CD8B: variants seen among roughly 807,000 people sequenced by gnomAD.
CD8B encodes T-cell surface glycoprotein CD8 beta chain.
CD8B carries 6 observed loss-of-function variants against 24.2 expected under a neutral mutation model. The ratio of observed to expected loss-of-function variants is 0.25; its 90% confidence interval spans 0.14 to 0.49. The LOEUF (loss-of-function observed/expected upper bound fraction) is 0.49, where lower values mean the gene tolerates loss of function less well. Ranked by LOEUF, CD8B falls within the 20% of genes least tolerant of loss-of-function variation. The pLI, the probability that CD8B is intolerant of heterozygous loss-of-function variation, is 0.98. For synonymous variants in CD8B, 84 were observed against 108.3 expected (o/e 0.78, Z 1.39); for missense variants, 196 against 271.3 (o/e 0.72, Z 1.95).
downstream of CD8B, chr2:86,815,505 G>A: frequency 1.3e-6 from 1 of 766,264 alleles, no homozygotes. Flanking sequence ...GGTTGATGGT[G>A]GCAGAGAAGT....
chr2:86,852,073 A>T (rs1390283252), intron 3 of CD8B, among the ~76,000 whole-genome samples: 1 of 152,118 alleles, frequency 6.6e-6, no homozygotes, highest in Non-Finnish European at 1.5e-5. Context: ...GGCTCAAGGC[A>T]TCCACCTCAG....
chr2:86,820,291 C>A (rs1171607682), intron 5 of CD8B, among the ~76,000 whole-genome samples: 1 of 152,222 alleles, frequency 6.6e-6, no homozygotes, highest in African/African-American at 2.4e-5. Context: ...TATCAAACAG[C>A]ATCGCATGCT....
chr2:86,839,155 G>C lies in CD8B; in HGVS notation c.*3152C>G, dbSNP rs1319323726. ...CATATTGTGCCATATATTGTATTAA[G>C]AATAATCTATACAGATGTTTTAAAA... On this transcript the variant is annotated 3_prime_UTR_variant, in exon 6 of 6. Coordinates refer to ENST00000390655, the MANE Select transcript of CD8B (RefSeq NM_004931.5). Among the ~76,000 whole-genome samples, 2 of 152,162 alleles carry C rather than the reference G, an allele frequency of 1.3e-5. No individual in the cohort carries two copies. Among genetic ancestry groups the C allele is most frequent in the Non-Finnish European group, 2.9e-5 (2 of 68,032 alleles).
At chr2:86,845,760 CGA>C (rs1420536073) in intron 4 of CD8B, among the ~76,000 whole-genome samples, 1 of 152,138 alleles carries the variant, frequency 6.6e-6, no homozygotes, top group Non-Finnish European at 1.5e-5. Context: ...CTTCCTTGAT[CGA>C]GAGAGTTTGC....
chr2:86,849,635 A>C (rs1675873756), intron 3 of CD8B, among the ~76,000 whole-genome samples: 1 of 152,120 alleles, frequency 6.6e-6, no homozygotes, highest in Non-Finnish European at 1.5e-5. Context: ...AATTTACCCA[A>C]AATCATTGAA....
chr2:86,822,184 C>A, intron 5 of CD8B: 1 of 564,024 alleles, frequency 1.8e-6, no homozygotes, highest in Non-Finnish European at 3.2e-6. Flanking sequence ...AATCTTCTAA[C>A]ACAAAATTAT....
intron 5 of CD8B, chr2:86,821,883 CTTCT>C (rs113044077): frequency 8.5e-5 from 22 of 259,582 alleles, no homozygotes; most frequent in South Asian, 3.1e-4. Context: ...CTCGTTCTGC[CTTCT>C]TTCTTTCTTT....
chr2:86,817,173 G>T (rs1674284698), intron 5 of CD8B, among the ~76,000 whole-genome samples: 1 of 152,146 alleles, frequency 6.6e-6, no homozygotes, highest in Non-Finnish European at 1.5e-5. Flanking sequence ...GGGAGGATAT[G>T]ACCAAATAAC....
chr2:86,826,011 C>T (rs769883271), intron 5 of CD8B, among the ~76,000 whole-genome samples: 27 of 152,162 alleles, frequency 1.8e-4, no homozygotes, highest in Non-Finnish European at 3.5e-4. Context: ...ATGACAGCCT[C>T]CCTGAGCCTT....
At chr2:86,819,909 T>G (rs1358160722) in intron 5 of CD8B, among the ~76,000 whole-genome samples, 1 of 152,082 alleles carries the variant, frequency 6.6e-6, no homozygotes, top group Admixed American at 6.6e-5. Context: ...AATACCAACA[T>G]TAGGAGGAGT....
chr2:86,821,323 A>C (rs563925837), intron 5 of CD8B, among the ~76,000 whole-genome samples: 1 of 152,088 alleles, frequency 6.6e-6, no homozygotes, highest in Non-Finnish European at 1.5e-5. Flanking sequence ...GTGATTTCTA[A>C]GACGCCATTG....
At chr2:86,845,056 C>T in intron 4 of CD8B, 98 bp from the exon 5 acceptor site, 1 of 1,504,660 alleles carries the variant, frequency 6.6e-7, no homozygotes, top group South Asian at 1.3e-5. Flanking sequence ...CAGCTGACAC[C>T]TCAGCCCACC....
chr2:86,847,630 A>G (rs1221972358), intron 3 of CD8B, among the ~76,000 whole-genome samples: 1 of 152,268 alleles, frequency 6.6e-6, no homozygotes, highest in African/African-American at 2.4e-5. Context: ...CAGTGGCGCA[A>G]TCTTGGCTCA....
At chr2:86,837,754 T>G, downstream of CD8B, among the ~76,000 whole-genome samples, 2 of 107,730 alleles carry the variant, frequency 1.9e-5, no homozygotes, top group African/African-American at 3.7e-5. Context: ...CAGGCCGGGG[T>G]GGGCTCCACA....
intron 5 of CD8B, among the ~76,000 whole-genome samples, chr2:86,822,852 C>T (rs1403960956): frequency 6.6e-6 from 1 of 152,194 alleles, no homozygotes; most frequent in Non-Finnish European, 1.5e-5. Context: ...CACTTCTTAT[C>T]TCATGTTGTT....
At chr2:86,856,575 T>A (rs932212189) in intron 2 of CD8B, among the ~76,000 whole-genome samples, 2 of 151,678 alleles carry the variant, frequency 1.3e-5, no homozygotes, top group African/African-American at 4.8e-5. Flanking sequence ...TCACGCTGAG[T>A]GGTCTAATTT....
chr2:86,836,295 G>A (rs1475334070), downstream of CD8B, among the ~76,000 whole-genome samples: 5 of 152,134 alleles, frequency 3.3e-5, no homozygotes, highest in African/African-American at 9.7e-5. Context: ...CAGGTGGCAG[G>A]AAAGAGCCAG....
intron 2 of CD8B, among the ~76,000 whole-genome samples, chr2:86,857,717 C>T (rs1423459277): frequency 2.0e-5 from 3 of 151,804 alleles, no homozygotes; most frequent in South Asian, 4.2e-4. Context: ...GAGGCTCTGT[C>T]TCAAAAAAAA....
chr2:86,828,337 T>C (rs528906013), intron 5 of CD8B, among the ~76,000 whole-genome samples: 31 of 151,762 alleles, frequency 2.0e-4, no homozygotes, highest in Non-Finnish European at 2.6e-4. Flanking sequence ...TGTGTGTGTG[T>C]GCGTGTCTGG....
Sources: gnomAD v4.1 joint callset for allele counts (sites outside exome capture counted in the v4.1 genomes callset) on GRCh38, gnomAD v4.1.1 for gene constraint, MANE v1.5 for transcripts, NCBI Gene and HGNC (gene_info 2026-07-23, HGNC 2026-07-21) for gene names.